TMSB15B: variants seen among roughly 807,000 people sequenced by gnomAD.
TMSB15B encodes the protein thymosin beta 15B.
chrX:103,947,579 G>C (rs1479774281), intron 1 of TMSB15B, among the ~76,000 whole-genome samples: 1 of 112,104 alleles, frequency 8.9e-6, no homozygotes, highest in Non-Finnish European at 1.9e-5. Flanking sequence ...CACCAGTAGA[G>C]TTGCACGCAT....
At chrX:103,928,681 C>G in intron 1 of TMSB15B, 1 of 1,156,320 alleles carries the variant, frequency 8.6e-7, no homozygotes. Flanking sequence ...TTTTTCTTTC[C>G]AGGACCCCAT....
In TMSB15B at chrX:103,929,098, C is replaced by A. The variant is rs782112686; in HGVS notation, c.-721+9806C>A. The A allele has an allele frequency of 9.9e-5, 78 of 788,023 alleles. No individual in the cohort carries two copies. In the South Asian group the frequency reaches 2.4e-3, roughly 24 times the overall value. 64.9% of individuals were successfully genotyped at this position (788,023 alleles called of 1,213,427 possible). The stretch of plus-strand genomic sequence containing the variant: ...TTCTATATAGCTTACTTCTTTGGCT[C>A]GGTTGCCTAATACAGCCATCTTTTA... On this transcript the variant is annotated intron_variant, in intron 1 of 3. Coordinates refer to the TMSB15B transcript ENST00000419165.
chrX:103,952,451 G>A (rs1556328443), intron 1 of TMSB15B, among the ~76,000 whole-genome samples: 3 of 111,328 alleles, frequency 2.7e-5, no homozygotes, highest in African/African-American at 9.8e-5. Flanking sequence ...TGGTACAGTG[G>A]TGGTAGGAGA....
At chrX:103,945,809 G>C (rs1420406087) in intron 1 of TMSB15B, among the ~76,000 whole-genome samples, 5 of 112,167 alleles carry the variant, frequency 4.5e-5, no homozygotes, top group Non-Finnish European at 7.5e-5. Context: ...CATGTATAAA[G>C]CACGAGGAAT....
intron 1 of TMSB15B, among the ~76,000 whole-genome samples, chrX:103,952,188 T>C (rs1172837274): frequency 1.3e-4 from 14 of 111,726 alleles, no homozygotes; most frequent in African/African-American, 4.6e-4. Flanking sequence ...AGTGCCACCA[T>C]GCCTAGCTTT....
intron 1 of TMSB15B, among the ~76,000 whole-genome samples, chrX:103,948,890 A>G (rs1191276291): frequency 8.9e-6 from 1 of 112,208 alleles, no homozygotes; most frequent in Non-Finnish European, 1.9e-5. Flanking sequence ...GCATAAGTAA[A>G]TAAATTATAT....
chrX:103,923,474 T>G (rs1370575211), intron 1 of TMSB15B, among the ~76,000 whole-genome samples: 7 of 112,036 alleles, frequency 6.2e-5, no homozygotes, highest in African/African-American at 1.3e-4. Context: ...TTTCCCCATT[T>G]CTTGTTTTTG....
chrX:103,944,938 C>T (rs1319769311), intron 1 of TMSB15B, among the ~76,000 whole-genome samples: 1 of 111,535 alleles, frequency 9.0e-6, no homozygotes, highest in Non-Finnish European at 1.9e-5. Context: ...CCACCATGCC[C>T]CGCTGGCTTT....
At chrX:103,954,927 C>T (rs2075047626) in intron 1 of TMSB15B, among the ~76,000 whole-genome samples, 1 of 111,508 alleles carries the variant, frequency 9.0e-6, no homozygotes, top group African/African-American at 3.3e-5. Flanking sequence ...GCTGCTGCAC[C>T]TTGATCCCCC....
At chrX:103,938,924 G>T (rs1258050640) in intron 1 of TMSB15B, among the ~76,000 whole-genome samples, 1 of 112,067 alleles carries the variant, frequency 8.9e-6, no homozygotes, top group Admixed American at 9.4e-5. Context: ...GCTTAATTTG[G>T]CTGGATATGA....
chrX:103,928,543 C>G, intron 1 of TMSB15B: 1 of 1,189,488 alleles, frequency 8.4e-7, no homozygotes, highest in Non-Finnish European at 1.1e-6. Flanking sequence ...CAAGCAAGCT[C>G]GCTTACCCAG....
chrX:103,955,023 A>AG (rs1245116610), intron 1 of TMSB15B, among the ~76,000 whole-genome samples: 8 of 111,604 alleles, frequency 7.2e-5, no homozygotes, highest in African/African-American at 2.6e-4. Context: ...CATGCAGTCC[A>AG]GGGGTTGGGA....
rs189966566 is a variant in TMSB15B, at chrX:103,952,183, C to T, written c.-720-9838C>T. On this transcript the variant is annotated intron_variant, in intron 1 of 3. Coordinates refer to the TMSB15B transcript ENST00000419165. ...GAGTAGGTAGGACTATGGTGAGTGC[C>T]ACCATGCCTAGCTTTAGAATGATCG... Among the ~76,000 whole-genome samples the T allele has an allele frequency of 2.7e-3, 298 of 111,625 alleles. 1 individual carries two copies. The highest frequency in any genetic ancestry group is 8.9e-3 in the African/African-American group (272 of 30,690).
chrX:103,945,759 G>A (rs1221679494), intron 1 of TMSB15B, among the ~76,000 whole-genome samples: 29 of 112,160 alleles, frequency 2.6e-4, no homozygotes, highest in African/African-American at 9.4e-4. Context: ...TCTATCAAGG[G>A]AAACAGTACA....
chrX:103,920,414 G>C (rs1210888522), intron 1 of TMSB15B, among the ~76,000 whole-genome samples: 1 of 112,127 alleles, frequency 8.9e-6, no homozygotes, highest in Admixed American at 9.4e-5. Flanking sequence ...ATTCTGAGGT[G>C]TAGAGAGATT....
chrX:103,951,986 T>A (rs12171777), intron 1 of TMSB15B, among the ~76,000 whole-genome samples: 16,118 of 110,738 alleles, frequency 0.15, 1,042 homozygotes, highest in Middle Eastern at 0.4. Flanking sequence ...AGTGAGTACA[T>A]GAGTGAGTAA....
intron 1 of TMSB15B, among the ~76,000 whole-genome samples, chrX:103,945,083 G>T (rs1310128245): frequency 9.7e-5 from 11 of 112,874 alleles, no homozygotes; most frequent in African/African-American, 2.9e-4. Context: ...CGGCCAATAT[G>T]ACTTTCTTAA....
chrX:103,929,087 C>A, intron 1 of TMSB15B: 1 of 890,850 alleles, frequency 1.1e-6, no homozygotes, highest in Non-Finnish European at 1.5e-6. Context: ...ATATAGCTTA[C>A]TTCTTTGGCT....
intron 1 of TMSB15B, among the ~76,000 whole-genome samples, chrX:103,933,402 G>A (rs1260485563): frequency 3.6e-5 from 4 of 110,606 alleles, no homozygotes; most frequent in African/African-American, 1.3e-4. Flanking sequence ...GACGAGAATT[G>A]CCAGTTTAAA....
Sources: gnomAD v4.1 joint callset for allele counts (sites outside exome capture counted in the v4.1 genomes callset) on GRCh38, gnomAD v4.1.1 for gene constraint, MANE v1.5 for transcripts, NCBI Gene and HGNC (gene_info 2026-07-23, HGNC 2026-07-21) for gene names.